The following AK7 variants were observed in gnomAD, a reference collection of about 807,000 sequenced individuals.
AK7 encodes the protein ATP-AMP transphosphorylase 7.
Under a neutral mutation model 96.6 loss-of-function variants are expected in AK7, and 78 were observed. That is an observed-to-expected ratio of 0.81 (90% CI 0.67 to 0.97). The LOEUF (loss-of-function observed/expected upper bound fraction) is 0.97, where lower values mean the gene tolerates loss of function less well. AK7 is among the 50% of genes least tolerant of loss of function. The probability of loss-of-function intolerance (pLI) is 0.00; values close to 1 mark genes in which losing one functional copy is unlikely to be tolerated. For missense variants in AK7, 855 were observed against 887.9 expected, an observed-to-expected ratio of 0.96 and a Z score of 0.47; for synonymous variants, 302 against 317.2, an observed-to-expected ratio of 0.95 and a Z score of 0.51.
chr14:96,393,893 G>T (rs1208421534), intron 1 of AK7, among the ~76,000 whole-genome samples: 4 of 152,096 alleles, frequency 2.6e-5, no homozygotes, highest in African/African-American at 9.7e-5. Context: ...TGGATCACCT[G>T]AGGTCAGGAG....
intron 5 of AK7, among the ~76,000 whole-genome samples, chr14:96,435,916 G>A (rs753195907): frequency 1.3e-5 from 2 of 152,142 alleles, no homozygotes; most frequent in Admixed American, 6.5e-5. Context: ...TGGCTTTGGC[G>A]ATTCCAAACT....
intron 12 of AK7, among the ~76,000 whole-genome samples, chr14:96,470,038 G>A (rs1003319880): frequency 6.6e-5 from 10 of 151,996 alleles, no homozygotes; most frequent in South Asian, 2.1e-4. Context: ...GGCTGGTCTC[G>A]AACTCCCAAC....
At chr14:96,392,337 G>T in intron 1 of AK7, 78 bp downstream of exon 1, 1 of 1,325,874 alleles carries the variant, frequency 7.5e-7, no homozygotes, top group Non-Finnish European at 1.1e-6. Context: ...CAAACCCAGC[G>T]AGGGTCTGCG....
intron 12 of AK7, among the ~76,000 whole-genome samples, chr14:96,464,447 G>A (rs767042931): frequency 4.0e-5 from 6 of 151,174 alleles, no homozygotes; most frequent in African/African-American, 4.9e-5. Flanking sequence ...CTACTTTGGC[G>A]GGGACACAGG....
At chr14:96,401,536 T>C (rs1045463306) in intron 2 of AK7, among the ~76,000 whole-genome samples, 4 of 152,086 alleles carry the variant, frequency 2.6e-5, no homozygotes, top group African/African-American at 9.7e-5. Context: ...CCTGGGAAAG[T>C]ATATGGTGCG....
intron 3 of AK7, among the ~76,000 whole-genome samples, chr14:96,405,562 AG>A (rs1890664054): frequency 6.6e-6 from 1 of 152,222 alleles, no homozygotes; most frequent in Non-Finnish European, 1.5e-5. Flanking sequence ...TGTACAGGGC[AG>A]ATACAAAGAC....
At chr14:96,447,526 T>C (rs1480671107) in intron 8 of AK7, among the ~76,000 whole-genome samples, 3 of 152,062 alleles carry the variant, frequency 2.0e-5, no homozygotes, top group Non-Finnish European at 4.4e-5. Context: ...TCTCACCATG[T>C]CACCAGGCTG....
rs778704718 is a variant in AK7, at chr14:96,488,317, T to C, written c.2146T>C (p.Phe716Leu). The part of the protein sequence containing the change: ...DPVDFLAEYL[F>L]KNNPEAQ ...TTTTAAATTGTAGGCAGAATATCTC[T>C]TCAAGAACAATCCTGAAGCACAGTG... The change falls in exon 18 of 18, where the codon TTC (phenylalanine) becomes CTC (leucine). Residue 716 changes from phenylalanine (F) to leucine (L), a missense_variant. Transcript: ENST00000267584. The C allele has an allele frequency of 3.5e-5, 57 of 1,612,148 alleles. No homozygotes were observed. The Admixed American group carries it at 7.5e-4, about 21-fold the overall frequency.
chr14:96,472,808 G>T lies in AK7; in HGVS notation c.1555+53G>T, dbSNP rs759866184. 4.0e-6 allele frequency: 6 copies of T among 1,502,398 alleles called. No homozygotes were observed. The South Asian group carries it at 6.9e-5, about 17-fold the overall frequency. The allele number at this position is 1,502,398 out of a possible 1,614,324, so 93.1% of individuals were successfully genotyped here. On this transcript the variant is annotated intron_variant, in intron 14 of 17. Coordinates refer to ENST00000267584, the MANE Select transcript of AK7 (RefSeq NM_152327.5). ...TAAAAGAATGTTCTCTGGGCTGGGCGTGGTGGCTCACGCCTGTAATCTCAG... is the reference window on the plus strand; with the variant it reads ...TAAAAGAATGTTCTCTGGGCTGGGCTTGGTGGCTCACGCCTGTAATCTCAG...
At position 96,471,945 on chromosome 14, in the gene AK7, T is replaced by G. The variant is rs377530917; in HGVS notation, c.1486+339T>G. 7.9e-5 allele frequency among the ~76,000 whole-genome samples: 12 copies of G among 152,322 alleles called. 1 individual carries two copies. The South Asian group carries it at 1.0e-3, about 13-fold the overall frequency. ...GTGATGTTCAGCACACCTCTAGAGC[T>G]TATGCATCTTGCCTGATTAAAACTT... On this transcript the variant is annotated intron_variant, in intron 13 of 17. Coordinates refer to ENST00000267584, the MANE Select transcript of AK7 (RefSeq NM_152327.5).
intron 4 of AK7, among the ~76,000 whole-genome samples, chr14:96,416,180 T>C (rs1202095882): frequency 6.6e-6 from 1 of 152,026 alleles, no homozygotes; most frequent in Non-Finnish European, 1.5e-5. Flanking sequence ...GGCCAGGAGT[T>C]CAAGACTAGC....
chr14:96,402,643 A>G (rs369094860), intron 2 of AK7, among the ~76,000 whole-genome samples: 3 of 152,296 alleles, frequency 2.0e-5, no homozygotes, highest in African/African-American at 7.2e-5. Context: ...TAAAGTAAAA[A>G]TCAATGTTTG....
intron 5 of AK7, among the ~76,000 whole-genome samples, chr14:96,421,198 T>A (rs1175832886): frequency 6.6e-6 from 1 of 152,136 alleles, no homozygotes; most frequent in Non-Finnish European, 1.5e-5. Flanking sequence ...AACTCAGAGT[T>A]GTAATGGGGA....
chr14:96,417,081 G>T (rs1429690547), intron 4 of AK7, among the ~76,000 whole-genome samples: 2 of 152,196 alleles, frequency 1.3e-5, no homozygotes, highest in East Asian at 1.9e-4. Flanking sequence ...GGGGTGTTGG[G>T]CCAGTCACAG....
chr14:96,462,028 G>C (rs918081620), intron 12 of AK7, among the ~76,000 whole-genome samples: 1 of 152,194 alleles, frequency 6.6e-6, no homozygotes, highest in Admixed American at 6.5e-5. Context: ...AATTGGAGCA[G>C]AGATAGTGCC....
chr14:96,435,471 C>G (rs138620050), intron 5 of AK7, among the ~76,000 whole-genome samples: 3 of 152,218 alleles, frequency 2.0e-5, no homozygotes, highest in East Asian at 3.9e-4. Context: ...GGAGTCTCTT[C>G]GGAGCCACGA....
intron 4 of AK7, among the ~76,000 whole-genome samples, chr14:96,418,743 TC>T (rs1210425730): frequency 6.6e-6 from 1 of 152,254 alleles, no homozygotes; most frequent in Admixed American, 6.5e-5. Flanking sequence ...GGTCTTGAAC[TC>T]CTGGCCTCAA....
intron 5 of AK7, chr14:96,421,365 A>C (rs1450540252): frequency 1.3e-5 from 2 of 156,582 alleles, no homozygotes; most frequent in Admixed American, 1.3e-4. Flanking sequence ...GGATTTACTG[A>C]GCACTGTCCT....
At chr14:96,449,479 G>A (rs939860461) in intron 8 of AK7, among the ~76,000 whole-genome samples, 2 of 152,210 alleles carry the variant, frequency 1.3e-5, no homozygotes, top group African/African-American at 4.8e-5. Context: ...TATCGCCCAG[G>A]CTGGAGTGCA....
Sources: allele counts gnomAD v4.1 joint callset (sites outside exome capture counted in the v4.1 genomes callset), GRCh38; gene constraint gnomAD v4.1.1; transcripts MANE v1.5; gene names NCBI Gene and HGNC (gene_info 2026-07-23, HGNC 2026-07-21).